RBMS1: variants seen among roughly 807,000 people sequenced by gnomAD.
The protein encoded by RBMS1 is RNA-binding motif, single-stranded-interacting protein 1.
A neutral mutation model predicts 62.3 loss-of-function variants in RBMS1; 17 were observed. The ratio of observed to expected loss-of-function variants is 0.27; its 90% CI spans 0.19 to 0.41. The LOEUF (loss-of-function observed/expected upper bound fraction) is 0.41. Among genes scored for constraint, RBMS1 ranks in the 10% least tolerant of loss-of-function variants. The probability of loss-of-function intolerance (pLI) is 1.00; values close to 1 mark genes in which losing one functional copy is unlikely to be tolerated. For synonymous variants in RBMS1, 172 were observed against 170.0 expected (o/e 1.01, Z -0.09); for missense variants, 334 against 504.5 (o/e 0.66, Z 3.24).
intron 2 of RBMS1, among the ~76,000 whole-genome samples, chr2:160,344,225 G>A (rs62177274): frequency 0.076 from 11,534 of 152,178 alleles, 620 homozygotes; most frequent in South Asian, 0.19. Context: ...CATAGTCCTC[G>A]CAATAGCCAG....
At chr2:160,430,529 T>C (rs1363544445) in intron 1 of RBMS1, among the ~76,000 whole-genome samples, 1 of 152,208 alleles carries the variant, frequency 6.6e-6, no homozygotes, top group Non-Finnish European at 1.5e-5. Context: ...ATTTTTCTAC[T>C]TTTTATCTTA....
At chr2:160,451,687 C>T (rs1425571795) in intron 1 of RBMS1, among the ~76,000 whole-genome samples, 1 of 152,112 alleles carries the variant, frequency 6.6e-6, no homozygotes, top group Non-Finnish European at 1.5e-5. Flanking sequence ...CGGCTCACTG[C>T]AACCTCCATC....
intron 6 of RBMS1, among the ~76,000 whole-genome samples, chr2:160,293,400 A>G (rs1309325200): frequency 6.6e-6 from 1 of 152,236 alleles, no homozygotes; most frequent in Admixed American, 6.5e-5. Flanking sequence ...TAACACAGAA[A>G]GCAGATGTAA....
chr2:160,321,014 T>G (rs1332613463), intron 2 of RBMS1, among the ~76,000 whole-genome samples: 1 of 151,742 alleles, frequency 6.6e-6, no homozygotes, highest in African/African-American at 2.4e-5. Flanking sequence ...GCTCTCAGAG[T>G]TCAGGGCATT....
chr2:160,444,156 A>G (rs11892457), intron 1 of RBMS1, among the ~76,000 whole-genome samples: 31,788 of 152,172 alleles, frequency 0.21, 3,654 homozygotes, highest in African/African-American at 0.3. Flanking sequence ...GTGTGTGCGT[A>G]TAAGAGTTAA....
rs145497161 is a variant in RBMS1 at position 160,423,137 on chromosome 2, A to G, written c.76-55746T>C. Among the ~76,000 whole-genome samples the G allele has an allele frequency of 5.3e-5, 8 of 152,286 alleles. 1 individual carries two copies. The highest frequency in any genetic ancestry group is 1.9e-4 in the African/African-American group (8 of 41,566). Reference sequence around the variant, plus strand: ...TCCTTGATTTCGAATGAACTTCTCTATAACATACCCTCACTTGACTTTCCC... The same window carrying G: ...TCCTTGATTTCGAATGAACTTCTCTGTAACATACCCTCACTTGACTTTCCC... On this transcript the variant is annotated intron_variant, in intron 1 of 13. Coordinates refer to ENST00000348849, the MANE Select transcript of RBMS1 (RefSeq NM_016836.4).
rs1415894236 is a variant in RBMS1 at position 160,389,773 on chromosome 2, A to C, written c.76-22382T>G. On this transcript the variant is annotated intron_variant, in intron 1 of 13. Transcript: ENST00000348849. Reference sequence around the variant, plus strand: ...TTAACCAACAATCACATAATGAGGAATCCTTTTATAATGAAAATTACTAGT... The same window carrying C: ...TTAACCAACAATCACATAATGAGGACTCCTTTTATAATGAAAATTACTAGT... Among the ~76,000 whole-genome samples the C allele has an allele frequency of 3.3e-5, 5 of 150,742 alleles. No homozygotes were observed. In the East Asian group the frequency reaches 7.8e-4, roughly 23 times the overall value.
At chr2:160,399,139 C>A (rs1011094782) in intron 1 of RBMS1, among the ~76,000 whole-genome samples, 1 of 152,142 alleles carries the variant, frequency 6.6e-6, no homozygotes, top group Non-Finnish European at 1.5e-5. Flanking sequence ...CCTGAAATGT[C>A]GCCTTCCATG....
chr2:160,382,559 T>C (rs927350617), intron 1 of RBMS1, among the ~76,000 whole-genome samples: 6 of 152,230 alleles, frequency 3.9e-5, no homozygotes, highest in Non-Finnish European at 8.8e-5. Flanking sequence ...AGAATTACTA[T>C]AAACCTTCAA....
At chr2:160,423,470 C>G (rs968172512) in intron 1 of RBMS1, among the ~76,000 whole-genome samples, 8 of 152,088 alleles carry the variant, frequency 5.3e-5, no homozygotes, top group African/African-American at 1.9e-4. Flanking sequence ...CGTCAGTGGA[C>G]GTTTGCACTT....
intron 4 of RBMS1, among the ~76,000 whole-genome samples, chr2:160,304,241 G>C (rs538267450): frequency 6.6e-6 from 1 of 152,282 alleles, no homozygotes; most frequent in East Asian, 1.9e-4. Flanking sequence ...TACTGCTTCA[G>C]CTTTCCTACT....
chr2:160,315,816 G>A (rs954777545), intron 3 of RBMS1, among the ~76,000 whole-genome samples: 4 of 152,160 alleles, frequency 2.6e-5, no homozygotes, highest in African/African-American at 9.6e-5. Context: ...AACTTTGAGA[G>A]AAACTGAAAT....
chr2:160,396,529 C>T (rs894422115), intron 1 of RBMS1, among the ~76,000 whole-genome samples: 10 of 150,808 alleles, frequency 6.6e-5, no homozygotes, highest in African/African-American at 2.4e-4. Flanking sequence ...ACCTCTCTCT[C>T]CCAGGGACTT....
At chr2:160,465,157 C>T (rs1415012751) in intron 1 of RBMS1, among the ~76,000 whole-genome samples, 1 of 152,140 alleles carries the variant, frequency 6.6e-6, no homozygotes, top group African/African-American at 2.4e-5. Context: ...GATTAATTGG[C>T]CAACCTGTCA....
At chr2:160,493,063 C>T (rs1685917232) in intron 1 of RBMS1, 1 of 511,484 alleles carries the variant, frequency 2.0e-6, no homozygotes, top group East Asian at 3.4e-5. Flanking sequence ...TCTAGTCTCT[C>T]CCCCCGCGGC....
intron 1 of RBMS1, among the ~76,000 whole-genome samples, chr2:160,491,129 T>G (rs1303533800): frequency 6.6e-6 from 1 of 151,874 alleles, no homozygotes; most frequent in East Asian, 1.9e-4. Flanking sequence ...AAGGGCTGCC[T>G]GTTCCGAACT....
chr2:160,493,184 C>A (rs1020537433), intron 1 of RBMS1, 105 bp downstream of exon 1: 7 of 1,127,058 alleles, frequency 6.2e-6, no homozygotes, highest in Non-Finnish European at 9.0e-6. Flanking sequence ...CAACTCCGCC[C>A]GGCGGTGGCG....
chr2:160,342,535 T>C (rs1691926985), intron 2 of RBMS1, among the ~76,000 whole-genome samples: 1 of 152,016 alleles, frequency 6.6e-6, no homozygotes. Context: ...ATCAACAGAC[T>C]TTATATATAT....
At chr2:160,323,273 C>T (rs1573858017) in intron 2 of RBMS1, among the ~76,000 whole-genome samples, 3 of 151,346 alleles carry the variant, frequency 2.0e-5, no homozygotes, top group Admixed American at 1.3e-4. Flanking sequence ...CTTAGAAGAT[C>T]GAGACCAGCC....
Sources: gnomAD v4.1 joint callset for allele counts (sites outside exome capture counted in the v4.1 genomes callset) on GRCh38, gnomAD v4.1.1 for gene constraint, MANE v1.5 for transcripts, NCBI Gene and HGNC (gene_info 2026-07-23, HGNC 2026-07-21) for gene names.